Variants in CLHC1 observed in about 807,000 individuals in gnomAD.
CLHC1 encodes clathrin heavy chain linker domain containing 1.
CLHC1 carries 72 observed loss-of-function variants against 69.5 expected under a neutral mutation model. That is an observed-to-expected ratio of 1.04 (90% CI 0.86 to 1.26). CLHC1 has a LOEUF of 1.26. Ranked by LOEUF, CLHC1 falls within the 50% of genes most tolerant of loss-of-function variation. The pLI is 0.00. For synonymous variants in CLHC1, 223 were observed against 224.3 expected (o/e 0.99, Z 0.05); for missense variants, 790 against 679.3 (o/e 1.16, Z -1.81).
In CLHC1 at chr2:55,181,570, C is replaced by G; in HGVS notation, c.1181G>C (p.Arg394Thr). ...DLVTNWVTQERLTFSEEAGDV... is the reference protein window; with the variant it reads ...DLVTNWVTQETLTFSEEAGDV... ...AAGTTAAAAGCTTAACTTTGCTTAC[C>G]TTTCCTGTGTAACCCAATTGGTAAC... is the stretch of plus-strand genomic sequence containing the variant. Residue 394 changes from arginine to threonine, a missense_variant and splice_region_variant, in exon 10 of 13, where the codon AGA becomes ACA. By Grantham distance (71) the Arg-to-Thr change is moderately conservative. Coordinates refer to ENST00000401408, the MANE Select transcript of CLHC1 (RefSeq NM_152385.4). The G allele has an allele frequency of 6.3e-7, 1 of 1,592,720 alleles. No homozygotes were observed. Among genetic ancestry groups the G allele is most frequent in the Non-Finnish European group, 8.5e-7 (1 of 1,172,510 alleles).
intron 9 of CLHC1, among the ~76,000 whole-genome samples, chr2:55,188,419 G>A (rs751123753): frequency 6.6e-6 from 1 of 152,036 alleles, no homozygotes; most frequent in Non-Finnish European, 1.5e-5. Flanking sequence ...ATGACCACAA[G>A]AATGATAAAC....
At chr2:55,209,159 C>T (rs760113783) in intron 7 of CLHC1, among the ~76,000 whole-genome samples, 5 of 152,114 alleles carry the variant, frequency 3.3e-5, no homozygotes, top group Non-Finnish European at 7.3e-5. Flanking sequence ...AGGCATGAGC[C>T]ACCGTGCCCG....
At position 55,229,258 on chromosome 2, in the gene CLHC1, TAG is replaced by T. The variant is rs200168966; in HGVS notation, c.-255-1056_-255-1055del. Among the ~76,000 whole-genome samples the T allele has an allele frequency of 3.2e-3, 489 of 150,756 alleles. 2 individuals carry two copies. Among genetic ancestry groups the T allele is most frequent in the Admixed American group, 5.4e-3 (82 of 15,136 alleles). On this transcript the variant is annotated intron_variant, in intron 1 of 12. Coordinates refer to ENST00000401408, the MANE Select transcript of CLHC1 (RefSeq NM_152385.4). ...GAAAAATAAAACAAGGTATGGGGGATAGAGAGTAAGGAAGGTGGGAGGATACC... is the reference window on the plus strand; with the variant it reads ...GAAAAATAAAACAAGGTATGGGGGATAGAGTAAGGAAGGTGGGAGGATACC...
At chr2:55,215,765 T>C (rs866858944) in intron 4 of CLHC1, among the ~76,000 whole-genome samples, 1 of 152,180 alleles carries the variant, frequency 6.6e-6, no homozygotes, top group Non-Finnish European at 1.5e-5. Context: ...TTTAAAAAAA[T>C]GTTCTCGGGT....
chr2:55,185,238 C>A (rs148406599), intron 9 of CLHC1, among the ~76,000 whole-genome samples: 58 of 152,278 alleles, frequency 3.8e-4, no homozygotes, highest in African/African-American at 1.3e-3. Flanking sequence ...CTATCCAATT[C>A]ACACCAAACA....
chr2:55,212,480 CTGA>C (rs1673100276), intron 5 of CLHC1, among the ~76,000 whole-genome samples, 190 bp downstream of exon 5: 1 of 152,186 alleles, frequency 6.6e-6, no homozygotes, highest in Admixed American at 6.5e-5. Context: ...ACCCAGCTGA[CTGA>C]AACTCAATCT....
At chr2:55,208,827 C>A (rs1295392052) in intron 7 of CLHC1, 117 bp from the exon 8 acceptor site, 7 of 589,288 alleles carry the variant, frequency 1.2e-5, no homozygotes, top group African/African-American at 1.9e-5. Flanking sequence ...ACAGCAGCAA[C>A]CTCTTCCTAA....
At chr2:55,179,469 A>C (rs1669708576) in intron 11 of CLHC1, among the ~76,000 whole-genome samples, 1 of 152,208 alleles carries the variant, frequency 6.6e-6, no homozygotes, top group Non-Finnish European at 1.5e-5. Context: ...AAAAAACAAC[A>C]ACATAGATTC....
intron 1 of CLHC1, among the ~76,000 whole-genome samples, chr2:55,229,258 T>C (rs781389723): frequency 3.3e-5 from 5 of 150,646 alleles, no homozygotes; most frequent in African/African-American, 4.9e-5. Flanking sequence ...GTATGGGGGA[T>C]AGAGAGTAAG....
At chr2:55,188,428 A>C (rs997864318) in intron 9 of CLHC1, among the ~76,000 whole-genome samples, 2 of 152,222 alleles carry the variant, frequency 1.3e-5, no homozygotes. Context: ...AGAATGATAA[A>C]CATTTAAAGG....
intron 2 of CLHC1, chr2:55,224,848 G>A (rs1573787370): frequency 3.6e-6 from 1 of 274,468 alleles, no homozygotes; most frequent in Middle Eastern, 4.6e-4. Flanking sequence ...GACATTGAGT[G>A]CAGCCGGGGC....
chr2:55,179,987 T>C (rs1368997491), intron 11 of CLHC1, among the ~76,000 whole-genome samples: 1 of 151,996 alleles, frequency 6.6e-6, no homozygotes, highest in Non-Finnish European at 1.5e-5. Flanking sequence ...ACCCTGTCTC[T>C]ACCAAAAATA....
chr2:55,222,918 C>CAAAAAAAAAAA (rs59113625), intron 2 of CLHC1, among the ~76,000 whole-genome samples: 2 of 68,554 alleles, frequency 2.9e-5, no homozygotes, highest in African/African-American at 1.1e-4. Flanking sequence ...GAAACTGTCT[C>CAAAAAAAAAAA]AAAAAAAAAA....
At chr2:55,229,369 ATGTAGAT>A (rs964012878) in intron 1 of CLHC1, among the ~76,000 whole-genome samples, 5 of 152,144 alleles carry the variant, frequency 3.3e-5, no homozygotes, top group African/African-American at 1.2e-4. Flanking sequence ...ATAGCAGGTC[ATGTAGAT>A]TCCTGGGAGA....
rs1038411984 is a variant in CLHC1, at chr2:55,172,636, A to G, written c.*3154T>C. Among the ~76,000 whole-genome samples, 2 of 151,828 alleles carry G rather than the reference A, an allele frequency of 1.3e-5. No individual in the cohort carries two copies. The highest frequency in any genetic ancestry group is 4.8e-5 in the African/African-American group (2 of 41,406). On this transcript the variant is annotated 3_prime_UTR_variant, in exon 13 of 13. Transcript: ENST00000401408. ...CAGCTTTATACACCGAACATTTGTT[A>G]AATGCCATTTTTTTCTGAGAAAGAA...
intron 1 of CLHC1, among the ~76,000 whole-genome samples, chr2:55,230,750 C>G (rs1051962096): frequency 2.0e-5 from 3 of 152,110 alleles, no homozygotes; most frequent in Admixed American, 2.0e-4. Context: ...ATACTGCTGA[C>G]AGATCAAATA....
intron 9 of CLHC1, among the ~76,000 whole-genome samples, chr2:55,192,115 G>A (rs1447989219): frequency 6.6e-6 from 1 of 151,336 alleles, no homozygotes; most frequent in Non-Finnish European, 1.5e-5. Context: ...GATTGTTGTT[G>A]TTGCTGTTGT....
At chr2:55,179,906 G>C (rs1430417920) in intron 11 of CLHC1, among the ~76,000 whole-genome samples, 1 of 152,166 alleles carries the variant, frequency 6.6e-6, no homozygotes, top group Non-Finnish European at 1.5e-5. Context: ...TGCAATCCCA[G>C]CACTTTGAGA....
chr2:55,194,925 C>CT (rs944741925), intron 9 of CLHC1, among the ~76,000 whole-genome samples: 15 of 147,414 alleles, frequency 1.0e-4, no homozygotes, highest in African/African-American at 3.8e-4. Flanking sequence ...TTTTTTTTTT[C>CT]TTTTTTTTGG....
Sources: gnomAD v4.1 joint callset for allele counts (sites outside exome capture counted in the v4.1 genomes callset) on GRCh38, gnomAD v4.1.1 for gene constraint, MANE v1.5 for transcripts, NCBI Gene and HGNC (gene_info 2026-07-23, HGNC 2026-07-21) for gene names.